SPOCK1: variants seen among roughly 807,000 people sequenced by gnomAD.
SPOCK1 encodes the protein SPARC (osteonectin), cwcv and kazal like domains proteoglycan 1, also known as testican-1.
In SPOCK1, 23 loss-of-function variants were observed where a neutral mutation model predicts 55.3. The ratio of observed to expected loss-of-function variants is 0.42; its 90% confidence interval spans 0.30 to 0.59. SPOCK1 has a LOEUF of 0.59. Among genes scored for constraint, SPOCK1 ranks in the 20% least tolerant of loss-of-function variants. The probability of loss-of-function intolerance (pLI) is 0.22; values close to 1 mark genes in which losing one functional copy is unlikely to be tolerated. For synonymous variants in SPOCK1, 226 were observed against 221.0 expected (o/e 1.02, Z -0.20); for missense variants, 499 against 552.5 (o/e 0.90, Z 0.97).
intron 4 of SPOCK1, among the ~76,000 whole-genome samples, chr5:137,138,448 A>G (rs2127049941): frequency 6.6e-6 from 1 of 151,928 alleles, no homozygotes; most frequent in African/African-American, 2.4e-5. Context: ...AAAGGGCTAT[A>G]TCCTGCATTG....
intron 4 of SPOCK1, among the ~76,000 whole-genome samples, chr5:137,132,784 T>C (rs1753909244): frequency 6.6e-6 from 1 of 152,118 alleles, no homozygotes; most frequent in East Asian, 1.9e-4. Context: ...CTGGAAGCGC[T>C]TTTTTTGTTG....
In SPOCK1 at chr5:137,374,529, G is replaced by T. The variant is rs183872495; in HGVS notation, c.187-107474C>A. Among the ~76,000 whole-genome samples, 3 of 152,294 alleles carry T rather than the reference G, an allele frequency of 2.0e-5. No individual in the cohort carries two copies. In the East Asian group the frequency reaches 5.8e-4, roughly 29 times the overall value. On this transcript the variant is annotated intron_variant, in intron 2 of 10. Coordinates refer to ENST00000394945, the MANE Select transcript of SPOCK1 (RefSeq NM_004598.4). ...GAGGGCCTCAGAGGCACTCCAACAC[G>T]CTGTGGCATGTCACATCTTCACGGA...
chr5:137,248,153 C>G (rs1408902099), intron 3 of SPOCK1, among the ~76,000 whole-genome samples: 1 of 152,170 alleles, frequency 6.6e-6, no homozygotes, highest in Non-Finnish European at 1.5e-5. Flanking sequence ...ATAAAATTAA[C>G]TATTCTTTTG....
chr5:137,320,231 C>T (rs1757957136), intron 2 of SPOCK1, among the ~76,000 whole-genome samples: 1 of 152,104 alleles, frequency 6.6e-6, no homozygotes, highest in Non-Finnish European at 1.5e-5. Flanking sequence ...AGGAAACTGC[C>T]CAAGGGACTG....
At chr5:137,117,433 T>C (rs1296951741) in intron 4 of SPOCK1, among the ~76,000 whole-genome samples, 3 of 152,240 alleles carry the variant, frequency 2.0e-5, no homozygotes, top group Admixed American at 2.0e-4. Flanking sequence ...TTCACTACAA[T>C]GTGAAAGTTC....
Position 137,410,175 on chromosome 5 carries a change from T to C in SPOCK1, c.186+88198A>G, listed in dbSNP as rs539964330. On this transcript the variant is annotated intron_variant, in intron 2 of 10. Transcript: ENST00000394945. The stretch of plus-strand genomic sequence containing the variant: ...TTCCCATTTTATGCCTTTATTATCA[T>C]GCTCCTGATATTCGGCATTCACAGG... Among the ~76,000 whole-genome samples, 176 of 152,370 alleles carry C rather than the reference T, an allele frequency of 1.2e-3. 1 individual carries two copies. Among genetic ancestry groups the C allele is most frequent in the African/African-American group, 4.1e-3 (170 of 41,594 alleles).
At chr5:137,427,967 G>A (rs1442973434) in intron 2 of SPOCK1, among the ~76,000 whole-genome samples, 3 of 151,012 alleles carry the variant, frequency 2.0e-5, no homozygotes, top group Non-Finnish European at 2.9e-5. Context: ...TTGTTACCCT[G>A]GCCAAGTCCT....
At chr5:137,294,003 C>T (rs1023654369) in intron 2 of SPOCK1, among the ~76,000 whole-genome samples, 18 of 152,258 alleles carry the variant, frequency 1.2e-4, no homozygotes, top group African/African-American at 4.1e-4. Flanking sequence ...GACAGAGCGA[C>T]ACTCCATCTC....
chr5:137,404,469 G>A (rs1339645019), intron 2 of SPOCK1, among the ~76,000 whole-genome samples: 1 of 149,648 alleles, frequency 6.7e-6, no homozygotes, highest in Non-Finnish European at 1.5e-5. Flanking sequence ...GAGTGCAATG[G>A]CGCGATCTTG....
chr5:137,201,493 C>T (rs771814932), intron 3 of SPOCK1, among the ~76,000 whole-genome samples: 5 of 152,154 alleles, frequency 3.3e-5, no homozygotes, highest in Admixed American at 6.5e-5. Flanking sequence ...AACAAAGCCA[C>T]CGTAACATTT....
chr5:136,978,532 G>T lies in SPOCK1; in HGVS notation c.*122C>A. ...CAAGCAGTTGTCTTCCAAACCTTAG[G>T]TCGGGTATAGAGAGCAACAATGGAG... is the stretch of plus-strand genomic sequence containing the variant. On this transcript the variant is annotated 3_prime_UTR_variant, in exon 11 of 11. Transcript: ENST00000394945. The T allele has an allele frequency of 9.9e-7, 1 of 1,013,882 alleles. No homozygotes were observed. Among genetic ancestry groups the T allele is most frequent in the Non-Finnish European group, 1.4e-6 (1 of 716,166 alleles). The allele number at this position is 1,013,882 out of a possible 1,614,324, so 62.8% of individuals were successfully genotyped here.
At position 137,158,438 on chromosome 5, in the gene SPOCK1, C is replaced by T. The variant is rs907937145; in HGVS notation, c.233-17744G>A. 3.4e-4 allele frequency among the ~76,000 whole-genome samples: 52 copies of T among 152,202 alleles called. 1 individual carries two copies. The highest frequency in any genetic ancestry group is 1.2e-3 in the African/African-American group (49 of 41,444). On this transcript the variant is annotated intron_variant, in intron 3 of 10. Transcript: ENST00000394945. ...AACTCCTTGGCAATATAGCCTCACA[C>T]TTTGTAGAGAACTTCAAAAGGGTCT...
At chr5:137,323,400 G>A (rs956457819) in intron 2 of SPOCK1, among the ~76,000 whole-genome samples, 2 of 152,068 alleles carry the variant, frequency 1.3e-5, no homozygotes, top group Non-Finnish European at 2.9e-5. Flanking sequence ...TAGACTTTAA[G>A]TCAAAAACTG....
chr5:137,068,056 A>T (rs1752544381), intron 5 of SPOCK1, among the ~76,000 whole-genome samples: 1 of 152,186 alleles, frequency 6.6e-6, no homozygotes, highest in South Asian at 2.1e-4. Context: ...GCCCTAGAAG[A>T]CTTCCTTTAA....
chr5:137,024,060 C>T (rs937464281), intron 6 of SPOCK1, among the ~76,000 whole-genome samples: 2 of 146,066 alleles, frequency 1.4e-5, no homozygotes, highest in African/African-American at 5.0e-5. Flanking sequence ...GAAGCTTGTA[C>T]TTCCTGTTAA....
At chr5:137,194,675 G>C (rs1376063670) in intron 3 of SPOCK1, among the ~76,000 whole-genome samples, 1 of 152,062 alleles carries the variant, frequency 6.6e-6, no homozygotes, top group Non-Finnish European at 1.5e-5. Context: ...CCAGACTCCT[G>C]CTTCCCATAC....
chr5:137,490,842 C>A (rs1326654194), intron 2 of SPOCK1, among the ~76,000 whole-genome samples: 1 of 152,020 alleles, frequency 6.6e-6, no homozygotes, highest in Non-Finnish European at 1.5e-5. Flanking sequence ...AAAGAATGGG[C>A]CATATGGAAC....
At chr5:137,203,038 T>G (rs1042136381) in intron 3 of SPOCK1, among the ~76,000 whole-genome samples, 10 of 152,216 alleles carry the variant, frequency 6.6e-5, no homozygotes, top group African/African-American at 2.2e-4. Flanking sequence ...GTTTGGGTTA[T>G]TCTAACAAAT....
intron 3 of SPOCK1, among the ~76,000 whole-genome samples, chr5:137,158,624 G>T (rs540446846): frequency 2.0e-5 from 3 of 152,092 alleles, no homozygotes; most frequent in Non-Finnish European, 4.4e-5. Flanking sequence ...GCTCCCTGGA[G>T]ATGAAAAATA....
Sources: allele counts gnomAD v4.1 joint callset (sites outside exome capture counted in the v4.1 genomes callset), GRCh38; gene constraint gnomAD v4.1.1; transcripts MANE v1.5; gene names NCBI Gene and HGNC (gene_info 2026-07-23, HGNC 2026-07-21).